The following DMD variants were observed in gnomAD, a reference collection of about 807,000 sequenced individuals.
The protein encoded by DMD is dystrophin.
Under a neutral mutation model 330.1 loss-of-function variants are expected in DMD, and 63 were observed. The observed-to-expected ratio is 0.19, with a 90% confidence interval of 0.16 to 0.24. The LOEUF (loss-of-function observed/expected upper bound fraction) is 0.24. DMD is among the 10% of genes least tolerant of loss of function. DMD has a pLI of 1.00. For missense variants in DMD, 3,344 were observed against 2,684.1 expected (o/e 1.25, Z -5.43); for synonymous variants, 1,223 against 959.8 (o/e 1.27, Z -5.07).
chrX:33,164,014 G>T (rs893070853), intron 1 of DMD, among the ~76,000 whole-genome samples: 2 of 111,258 alleles, frequency 1.8e-5, no homozygotes, highest in African/African-American at 6.5e-5. Flanking sequence ...AAAGACTATA[G>T]ATATTTTTTC....
At chrX:32,259,955 A>C (rs995857742) in intron 43 of DMD, among the ~76,000 whole-genome samples, 6 of 111,672 alleles carry the variant, frequency 5.4e-5, no homozygotes, top group African/African-American at 2.0e-4. Context: ...AAAATGTAGC[A>C]TCTGAGCAGG....
intron 9 of DMD, among the ~76,000 whole-genome samples, chrX:32,652,461 T>C (rs1237987277): frequency 1.8e-5 from 2 of 110,111 alleles, no homozygotes; most frequent in East Asian, 2.9e-4. Context: ...ACAAAGGACA[T>C]GAACTCATCC....
At chrX:32,134,612 T>C (rs1192420300) in intron 44 of DMD, among the ~76,000 whole-genome samples, 1 of 111,501 alleles carries the variant, frequency 9.0e-6, no homozygotes, top group African/African-American at 3.3e-5. Context: ...AAACTATGTG[T>C]TTAACGGTGA....
intron 43 of DMD, among the ~76,000 whole-genome samples, chrX:32,246,363 G>A (rs1366920183): frequency 1.7e-4 from 17 of 100,636 alleles, no homozygotes; most frequent in African/African-American, 5.8e-4. Flanking sequence ...GATTCGGTAT[G>A]CCAGTATTTT....
At chrX:32,940,198 T>C (rs1279401103) in intron 2 of DMD, among the ~76,000 whole-genome samples, 1 of 111,983 alleles carries the variant, frequency 8.9e-6, no homozygotes, top group South Asian at 3.7e-4. Context: ...TCTGGAGATC[T>C]AATGCACAGC....
intron 52 of DMD, among the ~76,000 whole-genome samples, chrX:31,685,596 A>T (rs961094265): frequency 8.9e-6 from 1 of 112,246 alleles, no homozygotes; most frequent in African/African-American, 3.2e-5. Context: ...CTTGCCTCAA[A>T]GGCAAGGACA....
intron 47 of DMD, among the ~76,000 whole-genome samples, chrX:31,893,754 G>A (rs959228667): frequency 9.0e-6 from 1 of 110,669 alleles, no homozygotes; most frequent in African/African-American, 3.3e-5. Flanking sequence ...CTGCATGCAG[G>A]GGAAGGGACA....
intron 44 of DMD, among the ~76,000 whole-genome samples, chrX:32,126,325 T>C (rs2096661473): frequency 8.9e-6 from 1 of 111,975 alleles, no homozygotes; most frequent in Admixed American, 9.5e-5. Context: ...AAAAGTTGAT[T>C]TGGTAAAAAC....
intron 54 of DMD, among the ~76,000 whole-genome samples, chrX:31,646,745 A>G (rs1443461141): frequency 8.9e-6 from 1 of 112,114 alleles, no homozygotes; most frequent in Non-Finnish European, 1.9e-5. Flanking sequence ...ATTGGGTTCA[A>G]AGGTCCAGAT....
intron 55 of DMD, among the ~76,000 whole-genome samples, chrX:31,626,814 A>G (rs1603430022): frequency 8.9e-6 from 1 of 112,239 alleles, no homozygotes; most frequent in Non-Finnish European, 1.9e-5. Context: ...ATAGTTTTTC[A>G]TAATAGTTTA....
At chrX:32,891,705 C>T in intron 2 of DMD, among the ~76,000 whole-genome samples, 1 of 111,770 alleles carries the variant, frequency 8.9e-6, no homozygotes, top group Non-Finnish European at 1.9e-5. Flanking sequence ...AAAATGAAAA[C>T]ATAAGGAGAG....
chrX:31,737,519 TG>T (rs952849468), intron 51 of DMD, among the ~76,000 whole-genome samples: 1 of 111,694 alleles, frequency 9.0e-6, no homozygotes, highest in Non-Finnish European at 1.9e-5. Context: ...TGACAGGAGC[TG>T]GGGCTGTGAG....
chrX:32,113,374 T>C (rs1205194714), intron 44 of DMD, among the ~76,000 whole-genome samples: 1 of 112,754 alleles, frequency 8.9e-6, no homozygotes, highest in Non-Finnish European at 1.9e-5. Context: ...ATATCCTTAT[T>C]TGATAATTAC....
intron 7 of DMD, among the ~76,000 whole-genome samples, chrX:32,759,855 G>T (rs369493509): frequency 1.8e-5 from 1 of 56,710 alleles, no homozygotes; most frequent in Non-Finnish European, 2.9e-5. Flanking sequence ...GGGGGGGGGG[G>T]GGGGCGGGGG....
intron 43 of DMD, among the ~76,000 whole-genome samples, chrX:32,281,055 G>C (rs1030959934): frequency 9.0e-6 from 1 of 111,505 alleles, no homozygotes; most frequent in Non-Finnish European, 1.9e-5. Context: ...TCTTCATGTA[G>C]CACAAATGGC....
chrX:32,396,733 A>T (rs942014335), intron 30 of DMD, among the ~76,000 whole-genome samples: 3 of 111,612 alleles, frequency 2.7e-5, no homozygotes, highest in Non-Finnish European at 5.7e-5. Flanking sequence ...ATGTCTTTAT[A>T]TTTCCAATTG....
intron 7 of DMD, among the ~76,000 whole-genome samples, chrX:32,732,492 G>T (rs1045338723): frequency 4.5e-5 from 5 of 110,804 alleles, no homozygotes; most frequent in South Asian, 7.7e-4. Flanking sequence ...GAAGGAAAAA[G>T]TGTTAAGGGC....
intron 41 of DMD, among the ~76,000 whole-genome samples, chrX:32,315,380 G>A (rs759411661): frequency 3.6e-5 from 4 of 110,649 alleles, no homozygotes; most frequent in Non-Finnish European, 5.7e-5. Flanking sequence ...TGGGGGGCAA[G>A]GGGAGGGATA....
Position 32,520,536 on chromosome X carries a change from T to G in DMD, c.2169-2405A>C, listed in dbSNP as rs925449145. On this transcript the variant is annotated intron_variant, in intron 17 of 78. Coordinates refer to ENST00000357033, the MANE Select transcript of DMD (RefSeq NM_004006.3). ...GGGTGTCCCTTAACCAGTGAGAGCTTGGAATTGGTGAATTTCCCAGCTCCC... is the reference window on the plus strand; with the variant it reads ...GGGTGTCCCTTAACCAGTGAGAGCTGGGAATTGGTGAATTTCCCAGCTCCC... Among the ~76,000 whole-genome samples, 4 of 111,644 alleles carry G rather than the reference T, an allele frequency of 3.6e-5. No homozygotes were observed. The South Asian group carries it at 1.5e-3, about 42-fold the overall frequency.
Sources: gnomAD v4.1 joint callset for allele counts (sites outside exome capture counted in the v4.1 genomes callset) on GRCh38, gnomAD v4.1.1 for gene constraint, MANE v1.5 for transcripts, NCBI Gene and HGNC (gene_info 2026-07-23, HGNC 2026-07-21) for gene names.